RIT2: variants seen among roughly 807,000 people sequenced by gnomAD.
RIT2 encodes Ras like without CAAX 2.
A neutral mutation model predicts 23.7 loss-of-function variants in RIT2; 24 were observed. That is an observed-to-expected ratio of 1.01 (90% confidence interval 0.73 to 1.43). The LOEUF (loss-of-function observed/expected upper bound fraction) is 1.43, where lower values mean the gene tolerates loss of function less well. Among genes scored for constraint, RIT2 ranks in the 40% most tolerant of loss-of-function variants. RIT2 has a pLI of 0.00. For synonymous variants in RIT2, 107 were observed against 91.1 expected, an observed-to-expected ratio of 1.17 and a Z score of -0.99; for missense variants, 236 against 266.9, an observed-to-expected ratio of 0.88 and a Z score of 0.81.
intron 3 of RIT2, among the ~76,000 whole-genome samples, chr18:42,937,884 G>T (rs1909501492): frequency 2.6e-5 from 4 of 152,118 alleles, no homozygotes. Context: ...TCTTCAAGAG[G>T]CAAGGGATTG....
At chr18:42,783,343 A>T (rs1312942810) in intron 4 of RIT2, among the ~76,000 whole-genome samples, 2 of 152,040 alleles carry the variant, frequency 1.3e-5, no homozygotes, top group Non-Finnish European at 2.9e-5. Flanking sequence ...GGCAAAGAGT[A>T]AAGCTATGGG....
chr18:42,983,923 G>A (rs1201631238), intron 2 of RIT2, among the ~76,000 whole-genome samples: 2 of 152,034 alleles, frequency 1.3e-5, no homozygotes, highest in Non-Finnish European at 2.9e-5. Context: ...TACACAGAAT[G>A]TTACAACCAC....
intron 4 of RIT2, among the ~76,000 whole-genome samples, chr18:42,792,471 T>C (rs776560527): frequency 6.6e-6 from 1 of 152,196 alleles, no homozygotes; most frequent in African/African-American, 2.4e-5. Context: ...TCTGTTCTAG[T>C]CTATGCATAT....
intron 3 of RIT2, among the ~76,000 whole-genome samples, chr18:42,964,709 A>T (rs1568041397): frequency 6.6e-6 from 1 of 152,206 alleles, no homozygotes; most frequent in Non-Finnish European, 1.5e-5. Context: ...AGAGAAAGGC[A>T]TAAACCTGTC....
intron 4 of RIT2, among the ~76,000 whole-genome samples, chr18:42,821,469 CA>C (rs761391949): frequency 1.3e-5 from 2 of 151,940 alleles, no homozygotes; most frequent in Non-Finnish European, 2.9e-5. Flanking sequence ...AGTTGTCCAC[CA>C]GGGGTAATTT....
At chr18:42,998,998 A>C (rs1388726869) in intron 2 of RIT2, among the ~76,000 whole-genome samples, 2 of 152,050 alleles carry the variant, frequency 1.3e-5, no homozygotes, top group Non-Finnish European at 2.9e-5. Flanking sequence ...TTAACTCTTA[A>C]TTTTTATCAC....
chr18:42,804,901 G>A, intron 4 of RIT2, among the ~76,000 whole-genome samples: 1 of 152,220 alleles, frequency 6.6e-6, no homozygotes. Context: ...GCGCAGGGCA[G>A]TGTGAGGCCA....
chr18:42,852,928 T>C (rs1907095307), intron 4 of RIT2, among the ~76,000 whole-genome samples: 1 of 151,634 alleles, frequency 6.6e-6, no homozygotes, highest in South Asian at 2.1e-4. Context: ...CTGCCTCCCA[T>C]GGTCAAGCAA....
chr18:43,014,550 C>G (rs1911427817), intron 2 of RIT2, among the ~76,000 whole-genome samples: 3 of 151,262 alleles, frequency 2.0e-5, no homozygotes, highest in African/African-American at 4.8e-5. Flanking sequence ...GACTTTTTTT[C>G]TAAGATGGAG....
At position 42,925,429 on chromosome 18, in the gene RIT2, A is replaced by G. The variant is rs564284060; in HGVS notation, c.235-1666T>C. On this transcript the variant is annotated intron_variant, in intron 3 of 4. Transcript: ENST00000326695. ...AAAGAAATTATAAAATCATCTTAGA[A>G]ATATGTTTGATCTTTAGGAAAACAT... Among the ~76,000 whole-genome samples the G allele has an allele frequency of 3.9e-5, 6 of 152,132 alleles. No homozygotes were observed. The South Asian group carries it at 1.0e-3, about 26-fold the overall frequency.
At chr18:43,069,591 A>C (rs1410077443) in intron 1 of RIT2, among the ~76,000 whole-genome samples, 4 of 152,156 alleles carry the variant, frequency 2.6e-5, no homozygotes, top group Admixed American at 2.0e-4. Flanking sequence ...TCTATGCTTC[A>C]TACAGAAACC....
chr18:42,934,023 GAAAAAAAAAAAAA>G (rs1353787470), intron 3 of RIT2, among the ~76,000 whole-genome samples: 1 of 33,648 alleles, frequency 3.0e-5, no homozygotes, highest in Non-Finnish European at 6.4e-5. Flanking sequence ...TCTCACAGAA[GAAAAAAAAAAAAA>G]AAGAAAAAAA....
chr18:43,063,458 T>C (rs998298451), intron 1 of RIT2, among the ~76,000 whole-genome samples: 1 of 152,134 alleles, frequency 6.6e-6, no homozygotes, highest in African/African-American at 2.4e-5. Context: ...GAACTTATTT[T>C]GGGACATTGA....
intron 2 of RIT2, among the ~76,000 whole-genome samples, chr18:42,989,260 A>C (rs1302091655): frequency 2.6e-5 from 4 of 152,250 alleles, no homozygotes; most frequent in African/African-American, 9.6e-5. Context: ...GTACATACAA[A>C]TCTCCTGAGG....
intron 3 of RIT2, among the ~76,000 whole-genome samples, chr18:42,954,829 A>G (rs566881274): frequency 2.0e-4 from 31 of 152,216 alleles, no homozygotes; most frequent in African/African-American, 6.3e-4. Context: ...TTTCAAAAAT[A>G]TGTCACTTTA....
At chr18:42,900,227 T>C (rs1370965765) in intron 4 of RIT2, among the ~76,000 whole-genome samples, 1 of 152,062 alleles carries the variant, frequency 6.6e-6, no homozygotes, top group Non-Finnish European at 1.5e-5. Flanking sequence ...CTGCTTCTCT[T>C]TGGTGGAAGA....
At chr18:43,071,998 G>A (rs1379486098) in intron 1 of RIT2, among the ~76,000 whole-genome samples, 2 of 151,414 alleles carry the variant, frequency 1.3e-5, no homozygotes, top group Admixed American at 6.6e-5. Context: ...TTGTTGTTTT[G>A]TTTTTGAGAT....
chr18:42,934,667 C>A (rs1909408775), intron 3 of RIT2, among the ~76,000 whole-genome samples: 1 of 152,100 alleles, frequency 6.6e-6, no homozygotes, highest in African/African-American at 2.4e-5. Context: ...ATATCATATG[C>A]ATACATATAA....
At chr18:43,026,634 A>AAGAAAGAAAGGG (rs1555652917) in intron 2 of RIT2, among the ~76,000 whole-genome samples, 1 of 100,278 alleles carries the variant, frequency 1.0e-5, no homozygotes, top group Non-Finnish European at 2.3e-5. Context: ...GAAAGAAAGA[A>AAGAAAGAAAGGG]AGAGAGAAAG....
Sources: gnomAD v4.1 joint callset for allele counts (sites outside exome capture counted in the v4.1 genomes callset) on GRCh38, gnomAD v4.1.1 for gene constraint, MANE v1.5 for transcripts, NCBI Gene and HGNC (gene_info 2026-07-23, HGNC 2026-07-21) for gene names.